KEAP1: variants seen among roughly 807,000 people sequenced by gnomAD.
The protein encoded by KEAP1 is kelch-like ECH-associated protein 1.
Under a neutral mutation model 59.7 loss-of-function variants are expected in KEAP1, and 26 were observed. The observed-to-expected ratio is 0.44, with a 90% CI of 0.32 to 0.60. KEAP1 has a LOEUF of 0.60. KEAP1 is among the 20% of genes least tolerant of loss of function. The pLI is 0.06. For synonymous variants in KEAP1, 350 were observed against 358.3 expected, an observed-to-expected ratio of 0.98 and a Z score of 0.26; for missense variants, 539 against 871.4, an observed-to-expected ratio of 0.62 and a Z score of 4.80.
intron 5 of KEAP1, among the ~76,000 whole-genome samples, chr19:10,487,114 T>C (rs1599479577): frequency 7.6e-6 from 1 of 132,364 alleles, no homozygotes; most frequent in East Asian, 2.2e-4. Context: ...GAGACTGAGG[T>C]GGGTGGATCA....
intron 5 of KEAP1, among the ~76,000 whole-genome samples, chr19:10,487,097 A>G (rs1250316811): frequency 6.6e-6 from 1 of 150,440 alleles, no homozygotes; most frequent in Non-Finnish European, 1.5e-5. Flanking sequence ...TAATCCCAGC[A>G]CTTTGGGAGA....
intron 1 of KEAP1, among the ~76,000 whole-genome samples, chr19:10,500,681 C>CTTT (rs539575991): frequency 1.6e-5 from 2 of 128,722 alleles, no homozygotes; most frequent in Non-Finnish European, 3.3e-5. Context: ...AGTTTGTTTG[C>CTTT]TTTTTTTTTT....
chr19:10,500,841 G>A lies in KEAP1; in HGVS notation c.-47-761C>T, dbSNP rs555414739. 5.3e-5 allele frequency among the ~76,000 whole-genome samples: 8 copies of A among 152,100 alleles called. No homozygotes were observed. The South Asian group carries it at 1.0e-3, about 20-fold the overall frequency. On this transcript the variant is annotated intron_variant, in intron 1 of 5. Coordinates refer to ENST00000171111, the MANE Select transcript of KEAP1 (RefSeq NM_203500.2). ...ACTACAGGCGTCCGCCACCACACCC[G>A]GCTAGTTTTTGTATTTTTAGCAGAG... is the stretch of plus-strand genomic sequence containing the variant.
At chr19:10,488,868 T>C (rs1320451541) in intron 5 of KEAP1, among the ~76,000 whole-genome samples, 2 of 149,596 alleles carry the variant, frequency 1.3e-5, no homozygotes, top group Non-Finnish European at 1.5e-5. Flanking sequence ...GAGGTGGAGG[T>C]TGCAGTGAGC....
rs1233005720 is a variant in KEAP1 at position 10,499,217 on chromosome 19, T to A, written c.639+178A>T. On this transcript the variant is annotated intron_variant, in intron 2 of 5. Transcript: ENST00000171111. The surrounding 1 kb of genome is among the most constrained non-coding windows in gnomAD (Gnocchi z 6.7). ...CTGGGCTGGTCTTGAACTCTTGGCC[T>A]GAAGCAATCCCCCCGCCTCAGCCCC... Among the ~76,000 whole-genome samples the A allele has an allele frequency of 9.9e-5, 15 of 152,094 alleles. No individual in the cohort carries two copies. Among genetic ancestry groups the A allele is most frequent in the Admixed American group, 9.2e-4 (14 of 15,248 alleles).
Position 10,486,222 on chromosome 19 carries a change from G to A in KEAP1, c.*430C>T, listed in dbSNP as rs1039354792. ...TCCATCCGGTGGGGAAGTGCCATCC[G>A]GTGGCTTCTATGTACAGGCCCATCC... On this transcript the variant is annotated 3_prime_UTR_variant, in exon 6 of 6. Coordinates refer to ENST00000171111, the MANE Select transcript of KEAP1 (RefSeq NM_203500.2). The A allele has an allele frequency of 4.3e-6, 1 of 234,914 alleles. No homozygotes were observed. The highest frequency in any genetic ancestry group is 8.4e-6 in the Non-Finnish European group (1 of 119,394). The allele number at this position is 234,914 out of a possible 1,614,324, so 14.6% of individuals were successfully genotyped here.
chr19:10,492,092 G>A lies in KEAP1; in HGVS notation c.810C>T (p.Ala270=), dbSNP rs759748254. The A allele has an allele frequency of 6.2e-7, 1 of 1,613,738 alleles. No individual in the cohort carries two copies. Among genetic ancestry groups the A allele is most frequent in the Non-Finnish European group, 8.5e-7 (1 of 1,180,046 alleles). Residue 270 remains alanine (A), a synonymous_variant, in exon 3 of 6, where the codon GCC becomes GCT. Coordinates refer to ENST00000171111, the MANE Select transcript of KEAP1 (RefSeq NM_203500.2). The stretch of plus-strand genomic sequence containing the variant: ...TCGGCGTCAACGAGTGGCAGCGCAC[G>A]GCCCGCAGCAGCGCCTGGACGTAGA... The part of the protein sequence containing the change: ...RRFYVQALLR[A]VRCHSLTPNF...
intron 2 of KEAP1, among the ~76,000 whole-genome samples, chr19:10,498,970 G>A (rs1014747672): frequency 1.3e-5 from 2 of 152,088 alleles, no homozygotes; most frequent in Non-Finnish European, 2.9e-5. Flanking sequence ...GAGCAGCTGG[G>A]ACTACAGGCG....
intron 4 of KEAP1, 59 bp from the exon 5 acceptor site, chr19:10,489,427 A>G (rs1914592515): frequency 6.5e-7 from 1 of 1,536,938 alleles, no homozygotes; most frequent in African/African-American, 1.4e-5. Context: ...AACCCCAGCC[A>G]TCACCTCCTT....
rs891283444 is a variant in KEAP1 at position 10,502,145 on chromosome 19, G to C, written c.-48+1096C>G. On this transcript the variant is annotated intron_variant, in intron 1 of 5. Transcript: ENST00000171111. The surrounding 1 kb of genome is among the most constrained non-coding windows in gnomAD (Gnocchi z 4.0). ...GCACTGCGCAGGGGTCAATAAACGG[G>C]TGGTTGGCTAACTGCCCTGCCACCG... Among the ~76,000 whole-genome samples, 2 of 152,150 alleles carry C rather than the reference G, an allele frequency of 1.3e-5. No homozygotes were observed. Among genetic ancestry groups the C allele is most frequent in the Non-Finnish European group, 2.9e-5 (2 of 68,034 alleles).
chr19:10,487,303 C>T (rs144195820), intron 5 of KEAP1, among the ~76,000 whole-genome samples: 1 of 151,598 alleles, frequency 6.6e-6, no homozygotes, highest in South Asian at 2.1e-4. Context: ...GCAGAGGCTG[C>T]ACCACTGTAC....
Position 10,489,263 on chromosome 19 carries a change from A to C in KEAP1, c.1637T>G (p.Phe546Cys), listed in dbSNP as rs1463180402. ...RYDVETETWT[F>C]VAPMKHRRSA... The stretch of plus-strand genomic sequence containing the variant: ...TCGCCGGTGCTTCATGGGGGCTACG[A>C]AAGTCCACGTCTCTGTTTCCACATC... Residue 546 changes from phenylalanine to cysteine, a missense_variant, in exon 5 of 6, where the codon TTC becomes TGC. Coordinates refer to ENST00000171111, the MANE Select transcript of KEAP1 (RefSeq NM_203500.2). 2.5e-6 allele frequency: 4 copies of C among 1,613,502 alleles called. No homozygotes were observed. The highest frequency in any genetic ancestry group is 3.4e-6 in the Non-Finnish European group (4 of 1,179,982).
chr19:10,489,863 C>T lies in KEAP1; in HGVS notation c.1326-10G>A, dbSNP rs113881345. 3.6e-3 allele frequency: 5,848 copies of T among 1,610,238 alleles called. 196 individuals are homozygous for T. The African/African-American group carries it at 0.071, about 20-fold the overall frequency. On this transcript the variant is annotated splice_polypyrimidine_tract_variant and intron_variant, in intron 3 of 5. Coordinates refer to ENST00000171111, the MANE Select transcript of KEAP1 (RefSeq NM_203500.2). Reference sequence around the variant, plus strand: ...CCGCTCTGGCTCATACCTGCAAGGGCGTAAGAAAAATGGGGACAATGGCCA... The same window carrying T: ...CCGCTCTGGCTCATACCTGCAAGGGTGTAAGAAAAATGGGGACAATGGCCA...
intron 2 of KEAP1, among the ~76,000 whole-genome samples, chr19:10,497,901 CTT>C (rs1352107137): frequency 6.6e-6 from 1 of 151,926 alleles, no homozygotes; most frequent in Non-Finnish European, 1.5e-5. Context: ...TCTTCAAAAA[CTT>C]TTTCTTTTTT....
intron 2 of KEAP1, among the ~76,000 whole-genome samples, chr19:10,497,537 G>A (rs1235835467): frequency 6.6e-6 from 1 of 152,172 alleles, no homozygotes; most frequent in Non-Finnish European, 1.5e-5. Context: ...ATGATGCAAA[G>A]GACATAAATC....
intron 1 of KEAP1, 129 bp from the exon 2 acceptor site, chr19:10,500,209 T>C (rs1914993765): frequency 1.6e-6 from 1 of 640,904 alleles, no homozygotes; most frequent in East Asian, 2.8e-5. Context: ...CAGAATCCAT[T>C]TGCAAACTTG....
intron 1 of KEAP1, among the ~76,000 whole-genome samples, chr19:10,501,645 A>G (rs1292611904): frequency 6.6e-6 from 1 of 152,076 alleles, no homozygotes; most frequent in East Asian, 1.9e-4. Flanking sequence ...AAACAAAAAA[A>G]AGATATTCTC....
Position 10,492,087 on chromosome 19 carries a change from C to T in KEAP1, c.815G>A (p.Arg272His), listed in dbSNP as rs774469695. The T allele has an allele frequency of 6.2e-7, 1 of 1,613,814 alleles. No individual in the cohort carries two copies. The highest frequency in any genetic ancestry group is 8.5e-7 in the Non-Finnish European group (1 of 1,180,046). Reference protein sequence around the residue: ...FYVQALLRAVRCHSLTPNFLQ... With the variant: ...FYVQALLRAVHCHSLTPNFLQ... ...GAAGTTCGGCGTCAACGAGTGGCAG[C>T]GCACGGCCCGCAGCAGCGCCTGGAC... The change falls in exon 3 of 6, where the codon CGC becomes CAC. Residue 272 changes from arginine to histidine, a missense_variant. By Grantham distance (29) the Arg-to-His change is conservative (BLOSUM62 0). Coordinates refer to ENST00000171111, the MANE Select transcript of KEAP1 (RefSeq NM_203500.2).
chr19:10,491,925 C>A lies in KEAP1; in HGVS notation c.977G>T (p.Arg326Leu), dbSNP rs751665354. 1.3e-6 allele frequency: 2 copies of A among 1,573,688 alleles called. No individual in the cohort carries two copies. The highest frequency in any genetic ancestry group is 2.3e-5 in the South Asian group (2 of 86,992). Residue 326 changes from arginine to leucine, a missense_variant, in exon 3 of 6, where the codon CGC (arginine) becomes CTC (leucine). By Grantham distance (102) the Arg-to-Leu change is moderately radical. Transcript: ENST00000171111. This position sits in a 1 kb window ranked among gnomAD's most constrained non-coding sequence, Gnocchi z 5.2. ...GTAGCCGCCCGCGGTGTAGATCAGGCGGCCCACCTTGGGCGCCCGGCAGGG... is the reference window on the plus strand; with the variant it reads ...GTAGCCGCCCGCGGTGTAGATCAGGAGGCCCACCTTGGGCGCCCGGCAGGG... ...VMPCRAPKVG[R>L]LIYTAGGYFR...
Sources: allele counts gnomAD v4.1 joint callset (sites outside exome capture counted in the v4.1 genomes callset), GRCh38; gene constraint gnomAD v4.1.1; non-coding constraint Gnocchi (gnomAD v3.1); transcripts MANE v1.5; gene names NCBI Gene and HGNC (gene_info 2026-07-23, HGNC 2026-07-21).